PREX2: variants seen among roughly 807,000 people sequenced by gnomAD.
PREX2 encodes phosphatidylinositol 3,4,5-trisphosphate-dependent Rac exchanger 2 protein.
In PREX2, 107 loss-of-function variants were observed where a neutral mutation model predicts 203.2. The observed-to-expected ratio is 0.53, with a 90% CI of 0.45 to 0.62. The LOEUF (loss-of-function observed/expected upper bound fraction) is 0.62, where lower values mean the gene tolerates loss of function less well. Ranked by LOEUF, PREX2 falls within the 20% of genes least tolerant of loss-of-function variation. PREX2 has a pLI of 0.00. For synonymous variants in PREX2, 672 were observed against 663.6 expected (o/e 1.01, Z -0.19); for missense variants, 1,777 against 1,955.9 (o/e 0.91, Z 1.72).
chr8:68,115,293 G>A (rs549517474), intron 25 of PREX2, among the ~76,000 whole-genome samples: 2 of 152,262 alleles, frequency 1.3e-5, no homozygotes, highest in South Asian at 2.1e-4. Context: ...CTCCCAAAGT[G>A]CTGGGATTAC....
intron 38 of PREX2, among the ~76,000 whole-genome samples, chr8:68,223,851 T>G (rs1293268695): frequency 6.6e-6 from 1 of 152,158 alleles, no homozygotes; most frequent in Non-Finnish European, 1.5e-5. Context: ...AGAAAATATT[T>G]TTTTGCTAAA....
chr8:68,058,496 C>T (rs1188768273), intron 10 of PREX2, among the ~76,000 whole-genome samples: 2 of 151,916 alleles, frequency 1.3e-5, no homozygotes, highest in African/African-American at 4.8e-5. Context: ...TGCAGTGGCA[C>T]GATCTCAGCT....
chr8:68,173,061 A>G (rs1811910865), intron 35 of PREX2, among the ~76,000 whole-genome samples: 1 of 152,148 alleles, frequency 6.6e-6, no homozygotes, highest in East Asian at 1.9e-4. Flanking sequence ...CTTGTTGGTT[A>G]TTTGTCTGAC....
chr8:68,040,094 T>A (rs1463241037), intron 7 of PREX2, among the ~76,000 whole-genome samples: 2 of 152,086 alleles, frequency 1.3e-5, no homozygotes, highest in Non-Finnish European at 2.9e-5. Flanking sequence ...AATGGTATGA[T>A]CATAGCTCTC....
intron 1 of PREX2, among the ~76,000 whole-genome samples, chr8:68,013,027 T>A (rs1221379482): frequency 6.6e-6 from 1 of 152,180 alleles, no homozygotes; most frequent in Non-Finnish European, 1.5e-5. Context: ...TGCAGTGCAG[T>A]CTGGTGGTCT....
Position 68,115,870 on chromosome 8 carries a change from T to C in PREX2, c.3264T>C (p.Asn1088=), listed in dbSNP as rs1237693441. 6.2e-7 allele frequency: 1 copy of C among 1,614,054 alleles called. No homozygotes were observed. Among genetic ancestry groups the C allele is most frequent in the Non-Finnish European group, 8.5e-7 (1 of 1,179,950 alleles). ...GAAACAGCAAACGGGTATGTTTTAA[T>C]GTAGCAGGAGATGAACAGGAAGATT... is the stretch of plus-strand genomic sequence containing the variant. The part of the protein sequence containing the change: ...GERNSKRVCF[N]VAGDEQEDSG... Residue 1088 remains asparagine, a synonymous_variant, in exon 26 of 40, where the codon AAT becomes AAC. Coordinates refer to ENST00000288368, the MANE Select transcript of PREX2 (RefSeq NM_024870.4).
At chr8:67,984,299 A>AT (rs1463488063) in intron 1 of PREX2, among the ~76,000 whole-genome samples, 1 of 152,154 alleles carries the variant, frequency 6.6e-6, no homozygotes, top group Non-Finnish European at 1.5e-5. Flanking sequence ...GAAGAGTATG[A>AT]TTTATTCAAC....
intron 25 of PREX2, among the ~76,000 whole-genome samples, chr8:68,113,800 C>T (rs1352253428): frequency 6.6e-6 from 1 of 152,126 alleles, no homozygotes; most frequent in Non-Finnish European, 1.5e-5. Context: ...CTTGTCTTCT[C>T]TCAGTAGAAT....
intron 1 of PREX2, among the ~76,000 whole-genome samples, chr8:68,013,141 T>C (rs1807314871): frequency 6.6e-6 from 1 of 152,186 alleles, no homozygotes; most frequent in South Asian, 2.1e-4. Context: ...GCTGGGGATA[T>C]CCCAGTGAAC....
intron 9 of PREX2, among the ~76,000 whole-genome samples, chr8:68,053,847 T>C (rs1036079320): frequency 2.0e-5 from 3 of 152,240 alleles, no homozygotes; most frequent in Non-Finnish European, 4.4e-5. Flanking sequence ...AGCTCCAATT[T>C]GTTTTATGCT....
rs1813190109 is a variant in PREX2 at position 68,232,689 on chromosome 8, G to T, written c.*1311G>T. 2 of 152,046 alleles carry T rather than the reference G, an allele frequency of 1.3e-5. No individual in the cohort carries two copies. Among genetic ancestry groups the T allele is most frequent in the Admixed American group, 6.6e-5 (1 of 15,264 alleles). The allele number at this position is 152,046 out of a possible 1,614,324, so 9.4% of individuals were successfully genotyped here. ...ACTGGAGTGCGGTGGTGCAATCTTG[G>T]CTCACTGCAACCTCCACCTCCTGGG... On this transcript the variant is annotated 3_prime_UTR_variant, in exon 40 of 40. Transcript: ENST00000288368.
chr8:68,129,396 C>G (rs1296289753), intron 31 of PREX2, among the ~76,000 whole-genome samples: 2 of 152,032 alleles, frequency 1.3e-5, no homozygotes, highest in Admixed American at 1.3e-4. Flanking sequence ...TTTATTTGCT[C>G]ACCCTCTCTC....
intron 25 of PREX2, among the ~76,000 whole-genome samples, chr8:68,109,922 A>T (rs974985814): frequency 3.3e-5 from 5 of 152,218 alleles, no homozygotes; most frequent in African/African-American, 1.2e-4. Flanking sequence ...TATTTGAAAG[A>T]ATACCAGTTT....
At chr8:68,032,178 G>A (rs1807905304) in intron 6 of PREX2, among the ~76,000 whole-genome samples, 1 of 152,172 alleles carries the variant, frequency 6.6e-6, no homozygotes. Flanking sequence ...AAAATTCTGA[G>A]TGCAAGAGAA....
intron 31 of PREX2, among the ~76,000 whole-genome samples, chr8:68,128,913 G>C (rs984707857): frequency 3.3e-5 from 5 of 152,192 alleles, no homozygotes; most frequent in Admixed American, 6.5e-5. Context: ...TTTTTTATTT[G>C]TCCATTGGTT....
intron 1 of PREX2, among the ~76,000 whole-genome samples, chr8:67,981,474 C>A (rs549043843): frequency 2.6e-5 from 4 of 152,280 alleles, no homozygotes; most frequent in Non-Finnish European, 5.9e-5. Context: ...AGAGGGGAGA[C>A]AATAACCACT....
Position 68,115,825 on chromosome 8 carries a change from T to A in PREX2, c.3219T>A (p.Ser1073Arg). Residue 1073 changes from serine (S) to arginine (R), a missense_variant, in exon 26 of 40, where the codon AGT (serine) becomes AGA (arginine). Coordinates refer to ENST00000288368, the MANE Select transcript of PREX2 (RefSeq NM_024870.4). ...KTSEGIIPTD[S>R]DNEKGERNSK... ...CAGAGGGCATAATACCAACAGACAG[T>A]GACAATGAGAAGGGAGAAAGAAACA... 6.2e-7 allele frequency: 1 copy of A among 1,613,740 alleles called. No homozygotes were observed. Among genetic ancestry groups the A allele is most frequent in the Non-Finnish European group, 8.5e-7 (1 of 1,179,808 alleles).
At chr8:68,091,796 C>T (rs773443036) in intron 20 of PREX2, among the ~76,000 whole-genome samples, 12 of 152,164 alleles carry the variant, frequency 7.9e-5, no homozygotes, top group Non-Finnish European at 1.3e-4. Context: ...ATTTGAGTTT[C>T]ATTTCTTTTT....
chr8:68,167,407 C>T (rs536361008), intron 35 of PREX2, among the ~76,000 whole-genome samples: 13 of 150,818 alleles, frequency 8.6e-5, no homozygotes, highest in Middle Eastern at 3.2e-3. Flanking sequence ...AATCTTGGCT[C>T]GCTATAACCT....
Sources: gnomAD v4.1 joint callset for allele counts (sites outside exome capture counted in the v4.1 genomes callset) on GRCh38, gnomAD v4.1.1 for gene constraint, MANE v1.5 for transcripts, NCBI Gene and HGNC (gene_info 2026-07-23, HGNC 2026-07-21) for gene names.